Variants in LYSMD4 observed in about 807,000 individuals in gnomAD.
The protein encoded by LYSMD4 is LysM domain containing 4, also known as lysM and putative peptidoglycan-binding domain-containing protein 4.
A neutral mutation model predicts 6.1 loss-of-function variants in LYSMD4; 9 were observed. That is an observed-to-expected ratio of 1.47 (90% CI 0.88 to 2.56). The LOEUF (loss-of-function observed/expected upper bound fraction) is 2.56. Among genes scored for constraint, LYSMD4 ranks in the 30% most tolerant of loss-of-function variants. The probability of loss-of-function intolerance (pLI) is 0.00; values close to 1 mark genes in which losing one functional copy is unlikely to be tolerated. For synonymous variants in LYSMD4, 143 were observed against 148.5 expected (o/e 0.96, Z 0.27); for missense variants, 384 against 373.5 (o/e 1.03, Z -0.23).
At chr15:99,731,114 G>C (rs2059398030) in intron 2 of LYSMD4, 2 of 1,504,980 alleles carry the variant, frequency 1.3e-6, no homozygotes, top group East Asian at 4.5e-5. Flanking sequence ...TGTTAGCAAA[G>C]TGAAACAGTT....
downstream of LYSMD4, among the ~76,000 whole-genome samples, chr15:99,722,904 G>A (rs544689664): frequency 1.3e-5 from 2 of 152,100 alleles, no homozygotes; most frequent in Non-Finnish European, 2.9e-5. Context: ...GCTGGTGCAC[G>A]CCTGTAATCC....
upstream of LYSMD4, among the ~76,000 whole-genome samples, chr15:99,719,186 T>A (rs2059219489): frequency 6.6e-6 from 1 of 152,254 alleles, no homozygotes. Context: ...CCTTTGGCCT[T>A]ACACTATCCA....
chr15:99,729,117 CA>C lies in LYSMD4; in HGVS notation c.*5del. On this transcript the variant is annotated 3_prime_UTR_variant, in exon 3 of 3. Coordinates refer to ENST00000684762, the MANE Select transcript of LYSMD4 (RefSeq NM_001284417.2). ...TAAAGCTGGGCCTAGTCTTTAAAAA[CA>C]AAGCTTAGCTCCCCGCTTGGGTGGT... 6.2e-7 allele frequency: 1 copy of C among 1,609,752 alleles called. No homozygotes were observed. The highest frequency in any genetic ancestry group is 1.1e-5 in the South Asian group (1 of 91,048).
At position 99,732,223 on chromosome 15, in the gene LYSMD4, C is replaced by T. The variant is rs77679003; in HGVS notation, c.-8-216G>A. ...ACCCTTTGTTTTTTCTAATCGCATA[C>T]GTTTTGTGCAGAAAACGAACCCCGC... On this transcript the variant is annotated intron_variant, in intron 1 of 2. Coordinates refer to ENST00000684762, the MANE Select transcript of LYSMD4 (RefSeq NM_001284417.2). 7.5e-3 allele frequency among the ~76,000 whole-genome samples: 1,135 copies of T among 152,296 alleles called. 21 individuals carry two copies. The highest frequency in any genetic ancestry group is 0.026 in the African/African-American group (1,061 of 41,560).
At chr15:99,731,554 C>A in intron 2 of LYSMD4, 164 bp downstream of exon 2, 2 of 1,532,832 alleles carry the variant, frequency 1.3e-6, no homozygotes, top group East Asian at 2.3e-5. Context: ...GGTACTCCCA[C>A]CTGCATTCCA....
chr15:99,726,152 T>G (rs530410782), downstream of LYSMD4, among the ~76,000 whole-genome samples: 1 of 132,094 alleles, frequency 7.6e-6, no homozygotes, highest in African/African-American at 2.7e-5. Flanking sequence ...AGTGGTTTTT[T>G]TTTTTTTTTT....
At chr15:99,722,481 A>C (rs897966825), downstream of LYSMD4, among the ~76,000 whole-genome samples, 3 of 152,176 alleles carry the variant, frequency 2.0e-5, no homozygotes, top group Non-Finnish European at 4.4e-5. Context: ...AACAACATAA[A>C]ATTCACCATG....
Position 99,729,064 on chromosome 15 carries a change from C to T in LYSMD4, c.*59G>A, listed in dbSNP as rs2059335593. The T allele has an allele frequency of 1.3e-6, 2 of 1,592,200 alleles. No homozygotes were observed. Among genetic ancestry groups the T allele is most frequent in the South Asian group, 2.3e-5 (2 of 87,966 alleles). ...AGCACCCCTAGGACATCGCCAGTGA[C>T]AGCTGAGGCACATCAACAGCCAATT... On this transcript the variant is annotated 3_prime_UTR_variant, in exon 3 of 3. Coordinates refer to ENST00000684762, the MANE Select transcript of LYSMD4 (RefSeq NM_001284417.2).
At chr15:99,722,094 G>C (rs2059241917), upstream of LYSMD4, among the ~76,000 whole-genome samples, 1 of 152,210 alleles carries the variant, frequency 6.6e-6, no homozygotes, top group African/African-American at 2.4e-5. Flanking sequence ...TCAAGGAAAA[G>C]AGCCAACAGA....
intron 1 of LYSMD4, 125 bp from the exon 2 acceptor site, chr15:99,732,132 A>C: frequency 1.0e-6 from 1 of 984,650 alleles, no homozygotes. Flanking sequence ...CTCAGCATAC[A>C]TCATCAACAG....
chr15:99,729,266 T>A lies in LYSMD4; in HGVS notation c.748A>T (p.Asn250Tyr), dbSNP rs768681252. ...FKIQASGETPNSLNTTVIPNG... is the reference protein window; with the variant it reads ...FKIQASGETPYSLNTTVIPNG... ...GGGATGACAGTTGTGTTCAAGCTAT[T>A]AGGGGTCTCACCACTAGCTTGTATT... The change falls in exon 3 of 3, where the codon AAT becomes TAT. Residue 250 changes from asparagine (N) to tyrosine (Y), a missense_variant. Physicochemically the swap from Asn to Tyr is moderately radical, Grantham distance 143. Transcript: ENST00000684762. 3.1e-6 allele frequency: 5 copies of A among 1,614,104 alleles called. No homozygotes were observed. The South Asian group carries it at 5.5e-5, about 18-fold the overall frequency.
At chr15:99,723,914 C>T (rs1254027457), downstream of LYSMD4, among the ~76,000 whole-genome samples, 1 of 145,282 alleles carries the variant, frequency 6.9e-6, no homozygotes, top group African/African-American at 2.9e-5. Flanking sequence ...GTCCAGATCA[C>T]TTAAATGTGG....
chr15:99,717,874 C>A (rs1053987505), upstream of LYSMD4: 17 of 152,336 alleles, frequency 1.1e-4, no homozygotes, highest in African/African-American at 4.1e-4. Context: ...CACAGTCCCC[C>A]CTTTTTTTAC....
chr15:99,731,801 C>G lies in LYSMD4; in HGVS notation c.199G>C (p.Gly67Arg). The G allele has an allele frequency of 6.2e-7, 1 of 1,612,372 alleles. No homozygotes were observed. The highest frequency in any genetic ancestry group is 2.1e-4 in the Middle Eastern group (1 of 4,796). ...KSGVHQPPQA[G>R]AGDVVLLQRE... ...TGCAGCAGCACCACGTCACCTGCTC[C>G]CGCCTGGGGAGGCTGGTGGACACCG... The change falls in exon 2 of 3, where the codon GGA becomes CGA. Residue 67 changes from glycine to arginine, a missense_variant. Gly to Arg is a moderately radical substitution (Grantham distance 125). Transcript: ENST00000684762.
In LYSMD4 at chr15:99,731,806, T is replaced by G. The variant is rs1263412536; in HGVS notation, c.194A>C (p.Gln65Pro). Residue 65 changes from glutamine to proline, a missense_variant, in exon 2 of 3, where the codon CAG becomes CCG. Transcript: ENST00000684762. ...RHKSGVHQPP[Q>P]AGAGDVVLLQ... Reference sequence around the variant, plus strand: ...CAGCACCACGTCACCTGCTCCCGCCTGGGGAGGCTGGTGGACACCGCTCTT... The same window carrying G: ...CAGCACCACGTCACCTGCTCCCGCCGGGGGAGGCTGGTGGACACCGCTCTT... The G allele has an allele frequency of 4.3e-6, 7 of 1,612,426 alleles. No individual in the cohort carries two copies. The South Asian group carries it at 7.7e-5, about 18-fold the overall frequency.
intron 1 of LYSMD4, chr15:99,733,075 G>A: frequency 2.9e-6 from 1 of 347,302 alleles, no homozygotes; most frequent in East Asian, 4.2e-5. Flanking sequence ...GGAAAATGGG[G>A]AGCGGCCCGG....
In LYSMD4 at chr15:99,727,680, A is replaced by G. The variant is rs1597384172; in HGVS notation, c.*1443T>C. On this transcript the variant is annotated 3_prime_UTR_variant, in exon 3 of 3. Coordinates refer to ENST00000684762, the MANE Select transcript of LYSMD4 (RefSeq NM_001284417.2). ...GGTTTCTAATTTAAGATTGAAGATG[A>G]TTTAATTTGCTAATGGAACCCAGGC... is the stretch of plus-strand genomic sequence containing the variant. 1 of 152,236 alleles carries G rather than the reference A, an allele frequency of 6.6e-6. No homozygotes were observed. The highest frequency in any genetic ancestry group is 1.9e-4 in the East Asian group (1 of 5,200). The allele number at this position is 152,236 out of a possible 1,614,324, so 9.4% of individuals were successfully genotyped here. A position where few individuals can be genotyped will look rare whatever the true frequency, so the allele number is the denominator to read the frequency against.
downstream of LYSMD4, among the ~76,000 whole-genome samples, chr15:99,726,929 C>A (rs939015578): frequency 5.9e-5 from 9 of 152,202 alleles, no homozygotes; most frequent in African/African-American, 1.9e-4. Context: ...ACCACTTTGT[C>A]CTGCACCTGT....
rs1597374001 is a variant in LYSMD4 at position 99,717,008 on chromosome 15, C to A, written c.-211G>T. 1.3e-5 allele frequency: 3 copies of A among 228,540 alleles called. No homozygotes were observed. The East Asian group carries it at 3.3e-4, about 25-fold the overall frequency. The allele number at this position is 228,540 out of a possible 1,614,324, so 14.2% of individuals were successfully genotyped here. A position where few individuals can be genotyped will look rare whatever the true frequency, so the allele number is the denominator to read the frequency against. On this transcript the variant is annotated 5_prime_UTR_variant, in exon 1 of 1. Transcript: ENST00000378904. ...AGTTTTCAGAGTGTTAGGTGTACGT[C>A]CCAGTATGCTGGCAGGCACTTAATG...
Sources: gnomAD v4.1 joint callset for allele counts (sites outside exome capture counted in the v4.1 genomes callset) on GRCh38, gnomAD v4.1.1 for gene constraint, MANE v1.5 for transcripts, NCBI Gene and HGNC (gene_info 2026-07-23, HGNC 2026-07-21) for gene names.